PTPN13: variants seen among roughly 807,000 people sequenced by gnomAD.
PTPN13 encodes tyrosine-protein phosphatase non-receptor type 13.
Under a neutral mutation model 284.0 loss-of-function variants are expected in PTPN13, and 191 were observed. The ratio of observed to expected loss-of-function variants is 0.67; its 90% CI spans 0.60 to 0.76. PTPN13 has a LOEUF of 0.76. PTPN13 is among the 30% of genes least tolerant of loss of function. PTPN13 has a pLI of 0.00. For synonymous variants in PTPN13, 986 were observed against 1,022.3 expected, an observed-to-expected ratio of 0.96 and a Z score of 0.68; for missense variants, 2,797 against 2,939.9, an observed-to-expected ratio of 0.95 and a Z score of 1.12.
chr4:86,743,760 A>G (rs1736425330), intron 16 of PTPN13, among the ~76,000 whole-genome samples: 1 of 152,206 alleles, frequency 6.6e-6, no homozygotes, highest in Admixed American at 6.5e-5. Flanking sequence ...TAAAGATGAC[A>G]GGATTGAAGT....
At chr4:86,635,820 C>T (rs912757839) in intron 2 of PTPN13, among the ~76,000 whole-genome samples, 5 of 151,822 alleles carry the variant, frequency 3.3e-5, no homozygotes, top group South Asian at 2.1e-4. Flanking sequence ...AAAATTTAGC[C>T]GGTGTAGTGG....
At chr4:86,672,295 C>G (rs1254844230) in intron 2 of PTPN13, 70 bp from the exon 3 acceptor site, 1 of 1,308,530 alleles carries the variant, frequency 7.6e-7, no homozygotes, top group African/African-American at 1.5e-5. Flanking sequence ...ATTGCTGTTT[C>G]CTGTGATTAT....
intron 7 of PTPN13, among the ~76,000 whole-genome samples, chr4:86,703,966 A>G (rs957784294): frequency 6.6e-6 from 1 of 151,834 alleles, no homozygotes; most frequent in Non-Finnish European, 1.5e-5. Flanking sequence ...TGAGGTCGGG[A>G]GTTCGAGACC....
At chr4:86,731,445 A>G (rs747340781) in intron 10 of PTPN13, among the ~76,000 whole-genome samples, 9 of 152,094 alleles carry the variant, frequency 5.9e-5, no homozygotes, top group Non-Finnish European at 1.2e-4. Context: ...TGGGTCCTTT[A>G]TTTCCTGAAA....
rs938853633 is a variant in PTPN13, at chr4:86,750,784, A to G, written c.2965A>G (p.Met989Val). The change falls in exon 18 of 48, where the codon ATG (methionine) becomes GTG (valine). Residue 989 changes from methionine (M) to valine (V), a missense_variant. Met to Val is a conservative substitution (Grantham distance 21, BLOSUM62 1). Transcript: ENST00000411767. ...ACATCGGAAAAATGTCATTGTTAAC[A>G]TGGAACCCCCACCACAAACCGTTGC... Reference protein sequence around the residue: ...YPHRKNVIVNMEPPPQTVAEL... With the variant: ...YPHRKNVIVNVEPPPQTVAEL... 6.2e-7 allele frequency: 1 copy of G among 1,613,594 alleles called. No individual in the cohort carries two copies. Among genetic ancestry groups the G allele is most frequent in the Non-Finnish European group, 8.5e-7 (1 of 1,179,778 alleles).
intron 2 of PTPN13, among the ~76,000 whole-genome samples, chr4:86,641,489 A>C (rs1318622278): frequency 2.0e-5 from 3 of 152,164 alleles, no homozygotes; most frequent in African/African-American, 7.2e-5. Context: ...CTGTTTCTTC[A>C]TATTTTTGAG....
intron 32 of PTPN13, among the ~76,000 whole-genome samples, chr4:86,774,022 C>T (rs1390571099): frequency 6.6e-6 from 1 of 151,702 alleles, no homozygotes; most frequent in Non-Finnish European, 1.5e-5. Context: ...TTTTTCTGAA[C>T]CTTTCCTCCA....
In PTPN13 at chr4:86,758,261, T is replaced by G. The variant is rs745534800; in HGVS notation, c.3225T>G (p.Asp1075Glu). The G allele has an allele frequency of 6.9e-6, 11 of 1,597,078 alleles. No homozygotes were observed. Among genetic ancestry groups the G allele is most frequent in the Non-Finnish European group, 9.4e-6 (11 of 1,167,520 alleles). Residue 1075 changes from aspartate (D) to glutamate (E), a missense_variant and splice_region_variant, in exon 21 of 48, where the codon GAT becomes GAG. Coordinates refer to ENST00000411767, the MANE Select transcript of PTPN13 (RefSeq NM_080683.3). ...SSSQVPLKEN[D>E]VLHKRWSIVS... ...TTTTAAATTATAAATTCCCAATAGATGTGCTACACAAAAGATGGAGCATAG... is the reference window on the plus strand; with the variant it reads ...TTTTAAATTATAAATTCCCAATAGAGGTGCTACACAAAAGATGGAGCATAG...
At chr4:86,597,801 G>A (rs1763953973) in intron 1 of PTPN13, among the ~76,000 whole-genome samples, 1 of 152,184 alleles carries the variant, frequency 6.6e-6, no homozygotes, top group Admixed American at 6.5e-5. Flanking sequence ...ATAGAGGCTG[G>A]TGTAGATTTA....
chr4:86,765,330 G>A (rs1477819176), intron 25 of PTPN13, 65 bp from the exon 26 acceptor site: 1 of 1,235,942 alleles, frequency 8.1e-7, no homozygotes, highest in South Asian at 1.3e-5. Flanking sequence ...TTCTAGGCCT[G>A]AGATTTGAAA....
intron 1 of PTPN13, among the ~76,000 whole-genome samples, chr4:86,615,140 G>A (rs573073004): frequency 2.0e-5 from 3 of 152,198 alleles, no homozygotes; most frequent in South Asian, 2.1e-4. Context: ...AGGATTTATC[G>A]TGTTTTGTTA....
At chr4:86,794,337 C>A (rs569478055) in intron 40 of PTPN13, among the ~76,000 whole-genome samples, 9 of 152,044 alleles carry the variant, frequency 5.9e-5, no homozygotes, top group Non-Finnish European at 1.0e-4. Flanking sequence ...ATCCAACTTA[C>A]GAGGGATGTG....
In PTPN13 at chr4:86,771,408, C is replaced by G. The variant is rs377036392; in HGVS notation, c.5041C>G (p.Gln1681Glu). The change falls in exon 31 of 48, where the codon CAG becomes GAG. Residue 1681 changes from glutamine (Q) to glutamate (E), a missense_variant. Gln to Glu is a conservative substitution (Grantham distance 29, BLOSUM62 2). Transcript: ENST00000411767. ...SNSTWSSALH[Q>E]TLSNMVSQAQ... ...TTCGACCTGGAGTTCAGCTTTGCAT[C>G]AGACTCTAAGCAACATGGTATCACA... 1.3e-6 allele frequency: 2 copies of G among 1,566,698 alleles called. No individual in the cohort carries two copies. Among genetic ancestry groups the G allele is most frequent in the African/African-American group, 1.4e-5 (1 of 73,836 alleles).
chr4:86,643,128 A>C (rs2148767539), intron 2 of PTPN13, among the ~76,000 whole-genome samples: 1 of 152,324 alleles, frequency 6.6e-6, no homozygotes, highest in East Asian at 1.9e-4. Flanking sequence ...ATAAGTAGTC[A>C]CTTCTGGTTC....
chr4:86,766,499 A>G lies in PTPN13; in HGVS notation c.4311A>G (p.Thr1437=), dbSNP rs1739332197. Residue 1437 remains threonine (T), a synonymous_variant, in exon 27 of 48, where the codon ACA becomes ACG. Coordinates refer to ENST00000411767, the MANE Select transcript of PTPN13 (RefSeq NM_080683.3). The stretch of plus-strand genomic sequence containing the variant: ...CCACCCATAAGCAAGCTGTGGAAAC[A>G]CTGAGAAATACAGGACAGGTAACAG... ...EGATHKQAVE[T]LRNTGQVVHL... 7 of 1,608,254 alleles carry G rather than the reference A, an allele frequency of 4.4e-6. No individual in the cohort carries two copies. Among genetic ancestry groups the G allele is most frequent in the Non-Finnish European group, 5.9e-6 (7 of 1,177,838 alleles).
intron 40 of PTPN13, among the ~76,000 whole-genome samples, chr4:86,792,153 GA>G (rs1565591066): frequency 6.6e-6 from 1 of 152,130 alleles, no homozygotes; most frequent in Non-Finnish European, 1.5e-5. Context: ...ACAGTGTAGA[GA>G]AGACCTTAAA....
At chr4:86,676,064 G>A (rs1463249869) in intron 3 of PTPN13, among the ~76,000 whole-genome samples, 1 of 152,162 alleles carries the variant, frequency 6.6e-6, no homozygotes, top group Admixed American at 6.5e-5. Context: ...CTTAGCAGAA[G>A]CCTCAACCGA....
chr4:86,774,718 TA>T (rs750103852), intron 33 of PTPN13, among the ~76,000 whole-genome samples, 187 bp downstream of exon 33: 18,338 of 149,652 alleles, frequency 0.12, 1,344 homozygotes, highest in African/African-American at 0.18. Flanking sequence ...TATATATATA[TA>T]TATTTTTTAC....
intron 35 of PTPN13, among the ~76,000 whole-genome samples, chr4:86,778,518 C>T (rs1203829297): frequency 6.6e-6 from 1 of 152,168 alleles, no homozygotes; most frequent in African/African-American, 2.4e-5. Flanking sequence ...AAGCAAAACA[C>T]ACAAACCAGC....
Sources: gnomAD v4.1 joint callset for allele counts (sites outside exome capture counted in the v4.1 genomes callset) on GRCh38, gnomAD v4.1.1 for gene constraint, MANE v1.5 for transcripts, NCBI Gene and HGNC (gene_info 2026-07-23, HGNC 2026-07-21) for gene names.